The following TCF4 variants were observed in gnomAD, a reference collection of about 807,000 sequenced individuals.
TCF4 encodes the protein transcription factor 4, also known as SL3-3 enhancer factor 2.
Under a neutral mutation model 82.1 loss-of-function variants are expected in TCF4, and 3 were observed. The observed-to-expected ratio is 0.04, with a 90% CI of 0.02 to 0.09. The LOEUF (loss-of-function observed/expected upper bound fraction) is 0.09, where lower values mean the gene tolerates loss of function less well. TCF4 is among the 10% of genes least tolerant of loss of function. The pLI, the probability that TCF4 is intolerant of heterozygous loss-of-function variation, is 1.00. For synonymous variants in TCF4, 276 were observed against 309.6 expected (o/e 0.89, Z 1.14); for missense variants, 518 against 852.7 (o/e 0.61, Z 4.89).
chr18:55,253,171 C>A (rs1479777477), intron 15 of TCF4, among the ~76,000 whole-genome samples: 1 of 152,094 alleles, frequency 6.6e-6, no homozygotes, highest in Non-Finnish European at 1.5e-5. Context: ...CAATACTACA[C>A]CGTTCAGAAT....
intron 3 of TCF4, among the ~76,000 whole-genome samples, chr18:55,558,473 C>A (rs1328599259): frequency 1.3e-5 from 2 of 152,076 alleles, no homozygotes; most frequent in Non-Finnish European, 2.9e-5. Flanking sequence ...AAATAAGTAA[C>A]AACAATGGAT....
At chr18:55,403,643 T>C (rs779373457) in intron 5 of TCF4, 125 bp from the exon 6 acceptor site, 25 of 1,599,454 alleles carry the variant, frequency 1.6e-5, no homozygotes, top group Non-Finnish European at 2.1e-5. Context: ...CTACTGGCAA[T>C]GTATGCAAGC....
intron 2 of TCF4, among the ~76,000 whole-genome samples, chr18:55,598,945 T>C (rs550709516): frequency 1.3e-5 from 2 of 152,340 alleles, no homozygotes; most frequent in East Asian, 3.9e-4. Flanking sequence ...TAGACGGAGA[T>C]AGCTGTTGGT....
At chr18:55,254,806 A>G in intron 14 of TCF4, 106 bp from the exon 15 acceptor site, 1 of 994,186 alleles carries the variant, frequency 1.0e-6, no homozygotes. Flanking sequence ...TTCTAAATAC[A>G]TGTTTCCAAT....
intron 8 of TCF4, among the ~76,000 whole-genome samples, chr18:55,349,465 A>G (rs984183426): frequency 6.6e-6 from 1 of 152,182 alleles, no homozygotes; most frequent in African/African-American, 2.4e-5. Context: ...ATTAAAGTAT[A>G]AAAACAATAA....
At chr18:55,621,029 A>G (rs762126686) in intron 2 of TCF4, among the ~76,000 whole-genome samples, 2 of 152,142 alleles carry the variant, frequency 1.3e-5, no homozygotes, top group Non-Finnish European at 2.9e-5. Context: ...TCTGGTAGTA[A>G]TACCAGAAAT....
chr18:55,402,338 G>C lies in TCF4; in HGVS notation c.369+1116C>G, dbSNP rs957806559. The C allele has an allele frequency of 1.2e-5, 6 of 521,132 alleles. No homozygotes were observed. The African/African-American group carries it at 1.2e-4, about 11-fold the overall frequency. The allele number at this position is 521,132 out of a possible 1,614,324, so 32.3% of individuals were successfully genotyped here. A position where few individuals can be genotyped will look rare whatever the true frequency, so the allele number is the denominator to read the frequency against. On this transcript the variant is annotated intron_variant, in intron 6 of 19. Coordinates refer to ENST00000354452, the MANE Select transcript of TCF4 (RefSeq NM_001083962.2). ...GTACGTAAAGGAAACTTTCCTCATA[G>C]GCTCGATTTAATTACAAAAACAAAA...
chr18:55,389,466 G>A (rs2092896088), intron 6 of TCF4, among the ~76,000 whole-genome samples: 1 of 152,186 alleles, frequency 6.6e-6, no homozygotes, highest in South Asian at 2.1e-4. Context: ...CTCTGCCCTG[G>A]TTATAACATC....
intron 3 of TCF4, among the ~76,000 whole-genome samples, chr18:55,486,363 G>T (rs1175006970): frequency 6.6e-6 from 1 of 152,108 alleles, no homozygotes; most frequent in Admixed American, 6.5e-5. Context: ...AGGCTGAGGT[G>T]GGCAGATGGC....
chr18:55,265,819 T>C (rs1327062079), intron 11 of TCF4: 2 of 152,212 alleles, frequency 1.3e-5, no homozygotes, highest in African/African-American at 2.4e-5. Context: ...ACCAGATAGA[T>C]ATTCCAGGGT....
chr18:55,464,237 T>C, intron 3 of TCF4, 100 bp from the exon 4 acceptor site: 2 of 1,078,134 alleles, frequency 1.9e-6, no homozygotes, highest in Non-Finnish European at 2.9e-6. Flanking sequence ...TCCTGTTGCC[T>C]TTAATTAAGA....
intron 2 of TCF4, among the ~76,000 whole-genome samples, chr18:55,617,019 T>C (rs916758458): frequency 1.3e-5 from 2 of 152,138 alleles, no homozygotes; most frequent in South Asian, 4.1e-4. Context: ...AAGACCAATA[T>C]TGTGAAGTTT....
At chr18:55,268,569 C>T (rs922824022) in intron 11 of TCF4, 5 of 152,108 alleles carry the variant, frequency 3.3e-5, no homozygotes, top group Non-Finnish European at 4.4e-5. Flanking sequence ...GACAGGATAG[C>T]GGAGTGGAGA....
chr18:55,483,091 C>T (rs556438282), intron 3 of TCF4, among the ~76,000 whole-genome samples: 2 of 152,288 alleles, frequency 1.3e-5, no homozygotes, highest in South Asian at 4.1e-4. Context: ...CCTCAGTACC[C>T]AGCACGGGGT....
chr18:55,567,157 G>C (rs879863664), intron 3 of TCF4, among the ~76,000 whole-genome samples: 4 of 152,002 alleles, frequency 2.6e-5, no homozygotes, highest in Admixed American at 2.0e-4. Flanking sequence ...CAGATATATA[G>C]ACAAATACTA....
Position 55,596,476 on chromosome 18 carries a change from T to C in TCF4, c.287-9340A>G, listed in dbSNP as rs142045549. On this transcript the variant is annotated intron_variant, in intron 2 of 20. Transcript: ENST00000398339. ...TAAAATACTGGCAAAAGCACTTAGC[T>C]CATTCAACAGTTGTAACCTAGTAAT... Among the ~76,000 whole-genome samples the C allele has an allele frequency of 2.1e-3, 318 of 152,348 alleles. 1 individual carries two copies. The highest frequency in any genetic ancestry group is 2.8e-3 in the Non-Finnish European group (189 of 68,028).
At chr18:55,327,255 C>T (rs1050564985) in intron 8 of TCF4, among the ~76,000 whole-genome samples, 1 of 151,862 alleles carries the variant, frequency 6.6e-6, no homozygotes, top group Non-Finnish European at 1.5e-5. Flanking sequence ...ACACACTTAT[C>T]GGATAAGTAG....
chr18:55,433,374 C>T (rs2095253906), intron 5 of TCF4, among the ~76,000 whole-genome samples: 1 of 152,224 alleles, frequency 6.6e-6, no homozygotes, highest in Non-Finnish European at 1.5e-5. Flanking sequence ...TAACTAGCAG[C>T]TACTGTTCCC....
chr18:55,245,825 T>C (rs1197548273), intron 15 of TCF4, among the ~76,000 whole-genome samples: 2 of 151,172 alleles, frequency 1.3e-5, no homozygotes, highest in South Asian at 2.1e-4. Flanking sequence ...CCTTGCATTA[T>C]AGTTAGACCC....
Sources: gnomAD v4.1 joint callset for allele counts (sites outside exome capture counted in the v4.1 genomes callset) on GRCh38, gnomAD v4.1.1 for gene constraint, MANE v1.5 for transcripts, NCBI Gene and HGNC (gene_info 2026-07-23, HGNC 2026-07-21) for gene names.